DNAJC3: variants seen among roughly 807,000 people sequenced by gnomAD.
DNAJC3 encodes dnaJ homolog subfamily C member 3.
A neutral mutation model predicts 68.6 loss-of-function variants in DNAJC3; 38 were observed. That is an observed-to-expected ratio of 0.55 (90% CI 0.43 to 0.73). DNAJC3 has a LOEUF of 0.73. Among genes scored for constraint, DNAJC3 ranks in the 30% least tolerant of loss-of-function variants. The pLI is 0.00. For missense variants in DNAJC3, 526 were observed against 591.9 expected, an observed-to-expected ratio of 0.89 and a Z score of 1.16; for synonymous variants, 203 against 204.0, an observed-to-expected ratio of 1.00 and a Z score of 0.04.
intron 4 of DNAJC3, among the ~76,000 whole-genome samples, chr13:95,733,883 G>C (rs1341116304): frequency 6.6e-6 from 1 of 152,020 alleles, no homozygotes; most frequent in East Asian, 1.9e-4. Flanking sequence ...GTGCCATATA[G>C]TTAGATCCAT....
chr13:95,758,632 AAG>A (rs1882736025), intron 5 of DNAJC3, among the ~76,000 whole-genome samples: 1 of 146,564 alleles, frequency 6.8e-6, no homozygotes, highest in Non-Finnish European at 1.5e-5. Flanking sequence ...AAAAAAAAAA[AAG>A]TTAATAATAA....
chr13:95,698,536 G>A (rs1347126352), intron 1 of DNAJC3, among the ~76,000 whole-genome samples: 3 of 152,212 alleles, frequency 2.0e-5, no homozygotes, highest in Non-Finnish European at 4.4e-5. Flanking sequence ...CCTGGACAGG[G>A]AGGAATGTGA....
intron 5 of DNAJC3, 132 bp downstream of exon 5, chr13:95,757,928 T>G (rs1882712629): frequency 2.0e-6 from 2 of 1,006,660 alleles, no homozygotes; most frequent in Admixed American, 2.7e-5. Context: ...TTTTGCCTCT[T>G]AAGTATAAAA....
chr13:95,692,596 T>C (rs966327616), intron 1 of DNAJC3: 2 of 150,890 alleles, frequency 1.3e-5, no homozygotes, highest in African/African-American at 2.4e-5. Context: ...GTAGCAGGAG[T>C]TTTTCTGCTC....
chr13:95,740,755 C>A (rs1882113724), intron 4 of DNAJC3, among the ~76,000 whole-genome samples: 1 of 152,228 alleles, frequency 6.6e-6, no homozygotes, highest in Non-Finnish European at 1.5e-5. Flanking sequence ...GATGGAAATG[C>A]AGAAATCACC....
chr13:95,686,350 A>G (rs1880074430), intron 1 of DNAJC3, among the ~76,000 whole-genome samples: 1 of 152,140 alleles, frequency 6.6e-6, no homozygotes, highest in African/African-American at 2.4e-5. Context: ...CCTTTGTCGG[A>G]GGCATAATTT....
intron 2 of DNAJC3, among the ~76,000 whole-genome samples, chr13:95,715,315 A>G (rs1348403171): frequency 6.6e-6 from 1 of 152,108 alleles, no homozygotes; most frequent in East Asian, 1.9e-4. Context: ...AGGTGGAAGG[A>G]TTGCCTGAGC....
At chr13:95,690,849 T>G (rs1315971636) in intron 1 of DNAJC3, among the ~76,000 whole-genome samples, 1 of 115,276 alleles carries the variant, frequency 8.7e-6, no homozygotes, top group Non-Finnish European at 1.8e-5. Flanking sequence ...GGCTCCTCAC[T>G]TCCCAGTAGG....
chr13:95,736,919 C>T (rs1266917532), intron 4 of DNAJC3, among the ~76,000 whole-genome samples: 3 of 149,704 alleles, frequency 2.0e-5, no homozygotes, highest in African/African-American at 7.5e-5. Context: ...GGGAATGCTT[C>T]CAGTTTTTGC....
rs183819901 is a variant in DNAJC3, at chr13:95,687,705, T to A, written c.82+10368T>A. ...TATAGTATAGTGTGAAGTTGGGTAATGTGATACCTCCAGCTTAGTTCTTTT... is the reference window on the plus strand; with the variant it reads ...TATAGTATAGTGTGAAGTTGGGTAAAGTGATACCTCCAGCTTAGTTCTTTT... On this transcript the variant is annotated intron_variant, in intron 1 of 11. Transcript: ENST00000602402. Among the ~76,000 whole-genome samples the A allele has an allele frequency of 1.9e-4, 29 of 152,322 alleles. 1 individual carries two copies. The highest frequency in any genetic ancestry group is 1.4e-3 in the Admixed American group (21 of 15,304).
chr13:95,685,020 G>A (rs1383180178), intron 1 of DNAJC3, among the ~76,000 whole-genome samples: 5 of 152,252 alleles, frequency 3.3e-5, no homozygotes, highest in Admixed American at 2.6e-4. Flanking sequence ...TGGGGTTGGA[G>A]CCCCCAACAG....
In DNAJC3 at chr13:95,760,813, G is replaced by C; in HGVS notation, c.848+15G>C. The C allele has an allele frequency of 6.2e-7, 1 of 1,607,020 alleles. No individual in the cohort carries two copies. Among genetic ancestry groups the C allele is most frequent in the Non-Finnish European group, 8.5e-7 (1 of 1,176,642 alleles). On this transcript the variant is annotated intron_variant, in intron 7 of 11. Coordinates refer to ENST00000602402, the MANE Select transcript of DNAJC3 (RefSeq NM_006260.5). The stretch of plus-strand genomic sequence containing the variant: ...AGAGATGGCAGGTGAGAATATGGTT[G>C]TTCCAACTGTCCAGCCATTCCTTAT...
chr13:95,716,113 A>G (rs1176109858), intron 2 of DNAJC3, among the ~76,000 whole-genome samples: 1 of 152,112 alleles, frequency 6.6e-6, no homozygotes, highest in Non-Finnish European at 1.5e-5. Context: ...AGTTGAGATC[A>G]TGCCATTGTA....
chr13:95,696,524 G>T (rs184936770), intron 1 of DNAJC3, among the ~76,000 whole-genome samples: 1 of 151,984 alleles, frequency 6.6e-6, no homozygotes, highest in East Asian at 1.9e-4. Context: ...TAACTTTTGG[G>T]GATGCTGTCA....
rs962032325 is a variant in DNAJC3, at chr13:95,684,083, G to A, written c.82+6746G>A. Among the ~76,000 whole-genome samples, 5 of 152,276 alleles carry A rather than the reference G, an allele frequency of 3.3e-5. No homozygotes were observed. The South Asian group carries it at 6.2e-4, about 19-fold the overall frequency. On this transcript the variant is annotated intron_variant, in intron 1 of 11. Transcript: ENST00000602402. ...GAAGCAACTTTGGAATGGGGTAATG[G>A]GCAGAGGTTGGGACAGTTTGGAGGA... is the stretch of plus-strand genomic sequence containing the variant.
chr13:95,789,141 C>G (rs1883686658), intron 11 of DNAJC3, among the ~76,000 whole-genome samples: 2 of 152,044 alleles, frequency 1.3e-5, no homozygotes. Flanking sequence ...AAAAACCTAG[C>G]TATATGCTAA....
intron 1 of DNAJC3, among the ~76,000 whole-genome samples, chr13:95,705,648 C>T (rs141582826): frequency 1.1e-4 from 16 of 152,164 alleles, no homozygotes; most frequent in African/African-American, 3.4e-4. Context: ...CCTCCTGCCT[C>T]AGCCCCCCAA....
chr13:95,701,873 A>G (rs1880594755), intron 1 of DNAJC3, among the ~76,000 whole-genome samples: 1 of 152,186 alleles, frequency 6.6e-6, no homozygotes, highest in South Asian at 2.1e-4. Flanking sequence ...ACTATAGTGT[A>G]TGTATTCCCA....
chr13:95,688,927 G>GGTTTTT (rs762986419), intron 1 of DNAJC3, among the ~76,000 whole-genome samples: 3 of 129,670 alleles, frequency 2.3e-5, no homozygotes, highest in African/African-American at 9.2e-5. Context: ...TGATTGTGTG[G>GGTTTTT]GTGTGTGTGT....
Sources: allele counts gnomAD v4.1 joint callset (sites outside exome capture counted in the v4.1 genomes callset), GRCh38; gene constraint gnomAD v4.1.1; transcripts MANE v1.5; gene names NCBI Gene and HGNC (gene_info 2026-07-23, HGNC 2026-07-21).